The following RNF150 variants were observed in gnomAD, a reference collection of about 807,000 sequenced individuals.
RNF150 encodes the protein ring finger protein 150.
In RNF150, 24 loss-of-function variants were observed where a neutral mutation model predicts 39.3. That is an observed-to-expected ratio of 0.61 (90% confidence interval 0.44 to 0.86). The LOEUF is 0.86. Among genes scored for constraint, RNF150 ranks in the 40% least tolerant of loss-of-function variants. The probability of loss-of-function intolerance (pLI) is 0.00; values close to 1 mark genes in which losing one functional copy is unlikely to be tolerated. For missense variants in RNF150, 502 were observed against 587.8 expected, an observed-to-expected ratio of 0.85 and a Z score of 1.51; for synonymous variants, 255 against 227.3, an observed-to-expected ratio of 1.12 and a Z score of -1.10.
intron 1 of RNF150, among the ~76,000 whole-genome samples, chr4:141,003,476 T>G (rs1232532336): frequency 1.3e-5 from 2 of 152,048 alleles, no homozygotes; most frequent in Non-Finnish European, 2.9e-5. Flanking sequence ...GCTTCTACTT[T>G]CTTGCTCTCT....
chr4:140,984,637 G>A (rs1192043015), intron 1 of RNF150, among the ~76,000 whole-genome samples: 1 of 152,030 alleles, frequency 6.6e-6, no homozygotes, highest in East Asian at 1.9e-4. Flanking sequence ...ACATTTTAGT[G>A]CACATTGTCT....
At chr4:141,135,399 A>G (rs1294577992), upstream of RNF150, among the ~76,000 whole-genome samples, 4 of 152,228 alleles carry the variant, frequency 2.6e-5, no homozygotes, top group Non-Finnish European at 5.9e-5. Flanking sequence ...GAGTGAGCCC[A>G]TAACCTCTTG....
At chr4:141,106,935 G>A (rs143508493) in intron 1 of RNF150, among the ~76,000 whole-genome samples, 4 of 152,254 alleles carry the variant, frequency 2.6e-5, no homozygotes, top group African/African-American at 4.8e-5. Context: ...AAAGCACTAT[G>A]TCAAATATAG....
At chr4:141,108,863 T>C (rs1739297807) in intron 1 of RNF150, among the ~76,000 whole-genome samples, 1 of 152,232 alleles carries the variant, frequency 6.6e-6, no homozygotes, top group African/African-American at 2.4e-5. Flanking sequence ...AGGGCATCCA[T>C]CCCATAATAT....
intron 1 of RNF150, among the ~76,000 whole-genome samples, chr4:141,164,544 C>T (rs1413117677): frequency 6.6e-6 from 1 of 152,112 alleles, no homozygotes; most frequent in African/African-American, 2.4e-5. Context: ...ATGTTATAGG[C>T]ATCCAGAGAG....
intron 1 of RNF150, among the ~76,000 whole-genome samples, chr4:141,031,167 T>C (rs2110824985): frequency 6.6e-6 from 1 of 151,856 alleles, no homozygotes. Flanking sequence ...AAAAGGATAG[T>C]CTCTTCAATA....
At chr4:140,871,197 G>A (rs2111183681) in intron 6 of RNF150, among the ~76,000 whole-genome samples, 1 of 152,124 alleles carries the variant, frequency 6.6e-6, no homozygotes, top group South Asian at 2.1e-4. Context: ...ATGCATTAGA[G>A]TCCTTTCCAG....
chr4:140,934,941 C>A (rs974390870), intron 4 of RNF150, among the ~76,000 whole-genome samples: 14 of 145,590 alleles, frequency 9.6e-5, no homozygotes, highest in African/African-American at 3.5e-4. Context: ...ACATTATATG[C>A]AAAAGTGCTT....
At chr4:141,062,726 A>C (rs372988122) in intron 1 of RNF150, among the ~76,000 whole-genome samples, 1 of 152,144 alleles carries the variant, frequency 6.6e-6, no homozygotes, top group East Asian at 1.9e-4. Context: ...GGTTTGTCAC[A>C]TAGGTATATT....
chr4:141,035,510 T>C (rs1472677190), intron 1 of RNF150, among the ~76,000 whole-genome samples: 6 of 152,126 alleles, frequency 3.9e-5, no homozygotes, highest in African/African-American at 9.7e-5. Flanking sequence ...TGCGATCCTA[T>C]GCCCCAAGTG....
intron 1 of RNF150, among the ~76,000 whole-genome samples, chr4:141,155,826 G>A (rs946147441): frequency 2.0e-5 from 3 of 152,162 alleles, no homozygotes; most frequent in Admixed American, 6.5e-5. Flanking sequence ...CCACAAAAAC[G>A]AAGGGGAGTC....
intron 1 of RNF150, among the ~76,000 whole-genome samples, chr4:141,061,220 C>T (rs1284410685): frequency 6.6e-6 from 1 of 152,082 alleles, no homozygotes; most frequent in East Asian, 1.9e-4. Flanking sequence ...CCTGGTACTG[C>T]ATGGATGTAC....
chr4:141,158,678 C>T (rs973368399), intron 1 of RNF150, among the ~76,000 whole-genome samples: 27 of 152,154 alleles, frequency 1.8e-4, no homozygotes, highest in Admixed American at 1.7e-3. Flanking sequence ...TTCATTTTTA[C>T]AATGTACAGA....
At chr4:140,879,823 A>C (rs1251432162) in intron 6 of RNF150, among the ~76,000 whole-genome samples, 1 of 152,170 alleles carries the variant, frequency 6.6e-6, no homozygotes, top group Non-Finnish European at 1.5e-5. Context: ...TGTCTCAAAA[A>C]GAAAAAAAAA....
At chr4:141,039,254 G>A (rs914060634) in intron 1 of RNF150, among the ~76,000 whole-genome samples, 1 of 152,122 alleles carries the variant, frequency 6.6e-6, no homozygotes, top group Non-Finnish European at 1.5e-5. Context: ...AAATTGGTAT[G>A]GAGTAAGTGA....
At chr4:141,066,580 G>A (rs1022780715) in intron 1 of RNF150, among the ~76,000 whole-genome samples, 4 of 152,108 alleles carry the variant, frequency 2.6e-5, no homozygotes, top group Non-Finnish European at 4.4e-5. Flanking sequence ...TCTAAGCAAA[G>A]AGCTATAGTA....
intron 1 of RNF150, among the ~76,000 whole-genome samples, chr4:141,004,558 C>G (rs1734796392): frequency 6.6e-6 from 1 of 152,162 alleles, no homozygotes; most frequent in African/African-American, 2.4e-5. Context: ...TCTAGAAATG[C>G]AGTTGTTGGT....
At chr4:141,181,521 C>T (rs1727908961) in intron 1 of RNF150, among the ~76,000 whole-genome samples, 1 of 152,156 alleles carries the variant, frequency 6.6e-6, no homozygotes, top group African/African-American at 2.4e-5. Context: ...TGAAAATACC[C>T]TGCAGCTCTG....
In RNF150 at chr4:140,868,142, A is replaced by C; in HGVS notation, c.*119T>G. On this transcript the variant is annotated 3_prime_UTR_variant, in exon 7 of 7. Transcript: ENST00000515673. Reference sequence around the variant, plus strand: ...GCTTTTCGTCAGCATTCTTGAACGGAGCGCCCTGGAGTTGCCAAGGTGATC... The same window carrying C: ...GCTTTTCGTCAGCATTCTTGAACGGCGCGCCCTGGAGTTGCCAAGGTGATC... 4.5e-6 allele frequency: 3 copies of C among 665,792 alleles called. No homozygotes were observed. The highest frequency in any genetic ancestry group is 8.2e-6 in the Non-Finnish European group (3 of 367,588). The allele number at this position is 665,792 out of a possible 1,614,324, so 41.2% of individuals were successfully genotyped here.
Sources: gnomAD v4.1 joint callset for allele counts (sites outside exome capture counted in the v4.1 genomes callset) on GRCh38, gnomAD v4.1.1 for gene constraint, MANE v1.5 for transcripts, NCBI Gene and HGNC (gene_info 2026-07-23, HGNC 2026-07-21) for gene names.